The following TMEM232 variants were observed in gnomAD, a reference collection of about 807,000 sequenced individuals.
TMEM232 encodes the protein transmembrane protein 232.
Under a neutral mutation model 78.8 loss-of-function variants are expected in TMEM232, and 80 were observed. That is an observed-to-expected ratio of 1.01 (90% confidence interval 0.85 to 1.22). The LOEUF (loss-of-function observed/expected upper bound fraction) is 1.22. Among genes scored for constraint, TMEM232 ranks in the 50% most tolerant of loss-of-function variants. The pLI is 0.00. For missense variants in TMEM232, 881 were observed against 742.2 expected, an observed-to-expected ratio of 1.19 and a Z score of -2.17; for synonymous variants, 297 against 254.3, an observed-to-expected ratio of 1.17 and a Z score of -1.60.
At chr5:110,683,534 T>C (rs1375012435) in intron 1 of TMEM232, among the ~76,000 whole-genome samples, 3 of 151,960 alleles carry the variant, frequency 2.0e-5, no homozygotes, top group Non-Finnish European at 4.4e-5. Flanking sequence ...CAAAAACTGC[T>C]TTTAAAATTG....
chr5:110,393,001 T>C (rs10040821), intron 3 of TMEM232, among the ~76,000 whole-genome samples: 14,931 of 152,250 alleles, frequency 0.098, 938 homozygotes, highest in South Asian at 0.18. Flanking sequence ...TTCTCTCTCA[T>C]TGACTACTAA....
At chr5:110,579,833 A>C (rs1258364712) in intron 10 of TMEM232, among the ~76,000 whole-genome samples, 1 of 151,776 alleles carries the variant, frequency 6.6e-6, no homozygotes, top group African/African-American at 2.4e-5. Context: ...AATTACTTTA[A>C]ACGTAGATTA....
chr5:110,389,465 C>T (rs964628531), intron 4 of TMEM232, among the ~76,000 whole-genome samples: 6 of 152,062 alleles, frequency 3.9e-5, no homozygotes, highest in African/African-American at 1.4e-4. Context: ...ACATTCATGG[C>T]CAGAGGATAA....
intron 12 of TMEM232, among the ~76,000 whole-genome samples, chr5:110,500,324 G>C (rs1316875596): frequency 6.8e-6 from 1 of 146,770 alleles, no homozygotes; most frequent in Non-Finnish European, 1.5e-5. Context: ...AAGAAAAACT[G>C]AAAAAGTTTA....
At chr5:110,625,191 G>A (rs993568441) in intron 7 of TMEM232, 76 bp downstream of exon 7, 2 of 1,337,516 alleles carry the variant, frequency 1.5e-6, no homozygotes, top group Non-Finnish European at 2.0e-6. Context: ...GTATTGATAA[G>A]CACCATTACT....
At chr5:110,621,918 A>G (rs997433286) in intron 7 of TMEM232, among the ~76,000 whole-genome samples, 1 of 152,198 alleles carries the variant, frequency 6.6e-6, no homozygotes, top group African/African-American at 2.4e-5. Flanking sequence ...ACACCAGTTT[A>G]GATTTTATGC....
intron 8 of TMEM232, among the ~76,000 whole-genome samples, chr5:110,606,804 T>C (rs1781596546): frequency 1.3e-5 from 2 of 151,884 alleles, no homozygotes; most frequent in Non-Finnish European, 2.9e-5. Context: ...GAAAGACTAG[T>C]TTTTTTTAAT....
At chr5:110,390,964 T>C (rs1367091833) in intron 3 of TMEM232, among the ~76,000 whole-genome samples, 7 of 152,238 alleles carry the variant, frequency 4.6e-5, no homozygotes, top group Non-Finnish European at 8.8e-5. Context: ...ACACACACTC[T>C]AGGCATTCAT....
intron 7 of TMEM232, among the ~76,000 whole-genome samples, chr5:110,622,006 A>G (rs1392606248): frequency 1.3e-5 from 2 of 152,168 alleles, no homozygotes; most frequent in Non-Finnish European, 2.9e-5. Context: ...CATGGGCTCT[A>G]TTTTGGCTGC....
intron 1 of TMEM232, among the ~76,000 whole-genome samples, chr5:110,700,789 GATA>G (rs1795347312): frequency 8.0e-6 from 1 of 125,266 alleles, no homozygotes; most frequent in African/African-American, 3.1e-5. Context: ...TAGATAGGTA[GATA>G]GATAGATAGA....
intron 11 of TMEM232, among the ~76,000 whole-genome samples, chr5:110,529,210 A>G (rs533774078): frequency 6.6e-6 from 1 of 152,220 alleles, no homozygotes; most frequent in South Asian, 2.1e-4. Flanking sequence ...CTTTTTTTTA[A>G]TGCACAATCT....
intron 1 of TMEM232, among the ~76,000 whole-genome samples, chr5:110,722,319 T>G (rs1797727478): frequency 6.6e-6 from 1 of 152,196 alleles, no homozygotes; most frequent in South Asian, 2.1e-4. Flanking sequence ...GTTAGTGGCA[T>G]GGCTGGGTAT....
intron 11 of TMEM232, among the ~76,000 whole-genome samples, chr5:110,555,084 G>C (rs1249771297): frequency 6.6e-6 from 1 of 151,926 alleles, no homozygotes; most frequent in Non-Finnish European, 1.5e-5. Context: ...TGTTTTTCTA[G>C]TTCCTCTTGG....
intron 5 of TMEM232, 45 bp downstream of exon 5, chr5:110,638,153 G>A (rs1332004110): frequency 2.9e-6 from 4 of 1,396,718 alleles, no homozygotes; most frequent in Non-Finnish European, 3.9e-6. Context: ...GTTACATGTA[G>A]TATGTGAAAT....
chr5:110,568,887 A>G (rs937225245), intron 10 of TMEM232, among the ~76,000 whole-genome samples: 2 of 151,968 alleles, frequency 1.3e-5, no homozygotes, highest in African/African-American at 4.8e-5. Context: ...TAAAAGTTAA[A>G]TGGGTAAACT....
chr5:110,517,995 A>T (rs17132184), intron 12 of TMEM232, among the ~76,000 whole-genome samples: 6,836 of 151,720 alleles, frequency 0.045, 503 homozygotes, highest in African/African-American at 0.16. Flanking sequence ...TTTTATTTGT[A>T]CCTTTCATCC....
At chr5:110,448,541 T>A (rs1759915103) in intron 12 of TMEM232, among the ~76,000 whole-genome samples, 1 of 152,010 alleles carries the variant, frequency 6.6e-6, no homozygotes, top group Non-Finnish European at 1.5e-5. Flanking sequence ...GTTACAAAAT[T>A]GAATAAAAAC....
intron 4 of TMEM232, among the ~76,000 whole-genome samples, 167 bp from the exon 5 acceptor site, chr5:110,638,522 T>C (rs923339410): frequency 6.6e-6 from 1 of 152,214 alleles, no homozygotes; most frequent in Non-Finnish European, 1.5e-5. Flanking sequence ...GTGATGTCTA[T>C]ATGCTCTTCT....
Position 110,572,280 on chromosome 5 carries a change from A to G in TMEM232, c.1277-3655T>C, listed in dbSNP as rs941272610. ...AGTTTGTTGTAAAAATATGGCTAGA[A>G]TGCAAGTAAAATAGCAAGACTGAGA... On this transcript the variant is annotated intron_variant, in intron 10 of 13. Transcript: ENST00000455884. Among the ~76,000 whole-genome samples, 8 of 152,174 alleles carry G rather than the reference A, an allele frequency of 5.3e-5. No homozygotes were observed. In the East Asian group the frequency reaches 1.6e-3, roughly 30 times the overall value.
Sources: allele counts gnomAD v4.1 joint callset (sites outside exome capture counted in the v4.1 genomes callset), GRCh38; gene constraint gnomAD v4.1.1; transcripts MANE v1.5; gene names NCBI Gene and HGNC (gene_info 2026-07-23, HGNC 2026-07-21).